Variants in IQCB1 observed in about 807,000 individuals in gnomAD.
IQCB1 encodes IQ calmodulin-binding motif-containing protein 1.
A neutral mutation model predicts 84.4 loss-of-function variants in IQCB1; 56 were observed. The observed-to-expected ratio is 0.66, with a 90% CI of 0.54 to 0.83. The LOEUF is 0.83. IQCB1 is among the 40% of genes least tolerant of loss of function. The pLI is 0.00. For missense variants in IQCB1, 629 were observed against 682.1 expected, an observed-to-expected ratio of 0.92 and a Z score of 0.87; for synonymous variants, 210 against 234.8, an observed-to-expected ratio of 0.89 and a Z score of 0.96.
chr3:121,781,742 C>A lies in IQCB1; in HGVS notation c.1410+1G>T. On this transcript the variant is annotated splice_donor_variant, in intron 13 of 14. Transcript: ENST00000310864. LOFTEE classifies it high-confidence loss of function. ...ACTGATATGGTACAGAAGCTTCATA[C>A]CAAATGTCTTCTGACATAGTCATCC... 1 of 1,612,442 alleles carries A rather than the reference C, an allele frequency of 6.2e-7. No homozygotes were observed. Among genetic ancestry groups the A allele is most frequent in the South Asian group, 1.1e-5 (1 of 91,018 alleles).
chr3:121,797,997 G>A (rs1949267868), intron 8 of IQCB1, among the ~76,000 whole-genome samples: 1 of 151,880 alleles, frequency 6.6e-6, no homozygotes, highest in Non-Finnish European at 1.5e-5. Flanking sequence ...ATTAATAATT[G>A]TAAAATATCT....
At chr3:121,833,461 A>G (rs1311743059) in intron 2 of IQCB1, among the ~76,000 whole-genome samples, 1 of 152,236 alleles carries the variant, frequency 6.6e-6, no homozygotes, top group East Asian at 1.9e-4. Context: ...AATAGGCTCA[A>G]AACAGTTTGT....
intron 9 of IQCB1, among the ~76,000 whole-genome samples, chr3:121,796,138 T>G (rs149800372): frequency 0.012 from 1,830 of 152,190 alleles, 16 homozygotes; most frequent in Middle Eastern, 0.024. Flanking sequence ...GTTTTATGAT[T>G]TTGTTACCTA....
chr3:121,776,471 G>C (rs1948233714), intron 13 of IQCB1, among the ~76,000 whole-genome samples: 1 of 152,166 alleles, frequency 6.6e-6, no homozygotes, highest in Non-Finnish European at 1.5e-5. Flanking sequence ...ATTCCCCTAA[G>C]TGGTGACTCT....
chr3:121,789,995 T>A, intron 11 of IQCB1, 78 bp downstream of exon 11: 1 of 1,251,720 alleles, frequency 8.0e-7, no homozygotes, highest in South Asian at 1.2e-5. Flanking sequence ...AAAAAAATCA[T>A]CACGTAGCTA....
At position 121,828,945 on chromosome 3, in the gene IQCB1, T is replaced by C. The variant is rs749733618; in HGVS notation, c.16A>G (p.Thr6Ala). MKPTG[T>A]DPRILSIAAE... is the part of the protein sequence containing the mutation. ...GCTATAGATAAGATCCTTGGGTCTG[T>C]ACCTGTTGGCTTCATTTCTCTTATT... The change falls in exon 3 of 15, where the codon ACA becomes GCA. Residue 6 changes from threonine (T) to alanine (A), a missense_variant. Transcript: ENST00000310864. 1.9e-6 allele frequency: 3 copies of C among 1,609,300 alleles called. No homozygotes were observed. The highest frequency in any genetic ancestry group is 4.5e-5 in the East Asian group (2 of 44,780).
At chr3:121,815,171 T>C (rs1950001092) in intron 5 of IQCB1, among the ~76,000 whole-genome samples, 1 of 152,202 alleles carries the variant, frequency 6.6e-6, no homozygotes, top group Non-Finnish European at 1.5e-5. Flanking sequence ...CATGATTATT[T>C]CAATAGATGC....
At chr3:121,796,457 C>T (rs994245920) in intron 9 of IQCB1, among the ~76,000 whole-genome samples, 4 of 152,028 alleles carry the variant, frequency 2.6e-5, no homozygotes, top group Non-Finnish European at 4.4e-5. Context: ...TATGCCTCTT[C>T]CTGTTGAATG....
intron 5 of IQCB1, among the ~76,000 whole-genome samples, chr3:121,821,789 T>A (rs750518092): frequency 3.3e-5 from 5 of 152,214 alleles, no homozygotes; most frequent in Non-Finnish European, 7.3e-5. Context: ...CACACAGACA[T>A]GATCCTGAAA....
intron 12 of IQCB1, among the ~76,000 whole-genome samples, chr3:121,786,189 A>AAAC (rs1948722722): frequency 6.9e-6 from 1 of 144,944 alleles, no homozygotes; most frequent in Non-Finnish European, 1.5e-5. Context: ...AGAAAAGAAA[A>AAAC]GAAAAGAAAA....
chr3:121,823,120 T>A (rs1442376420), intron 5 of IQCB1, among the ~76,000 whole-genome samples: 1 of 152,166 alleles, frequency 6.6e-6, no homozygotes, highest in Non-Finnish European at 1.5e-5. Context: ...GGTAGGATTA[T>A]TAGCACATTA....
intron 5 of IQCB1, among the ~76,000 whole-genome samples, chr3:121,820,457 C>T (rs908814315): frequency 1.3e-5 from 2 of 152,184 alleles, no homozygotes. Flanking sequence ...CTCTACACCA[C>T]ATCCCTAGGA....
intron 8 of IQCB1, among the ~76,000 whole-genome samples, chr3:121,798,063 A>G (rs1949270365): frequency 6.6e-6 from 1 of 151,968 alleles, no homozygotes; most frequent in African/African-American, 2.4e-5. Context: ...AGGGAGAAGG[A>G]TTCAGGTAAA....
At chr3:121,809,105 GT>G in intron 5 of IQCB1, 96 bp from the exon 6 acceptor site, 1 of 707,922 alleles carries the variant, frequency 1.4e-6, no homozygotes, top group Non-Finnish European at 2.4e-6. Context: ...AGAGGATACA[GT>G]TTCTGGATCT....
chr3:121,784,391 T>TGG (rs1477542486), intron 12 of IQCB1, among the ~76,000 whole-genome samples: 1 of 152,052 alleles, frequency 6.6e-6, no homozygotes, highest in Non-Finnish European at 1.5e-5. Context: ...TCCCCCACAG[T>TGG]CCTTTTATTA....
intron 10 of IQCB1, among the ~76,000 whole-genome samples, chr3:121,793,103 A>G (rs1343059209): frequency 6.6e-6 from 1 of 152,220 alleles, no homozygotes; most frequent in Non-Finnish European, 1.5e-5. Flanking sequence ...AAAAGATGCT[A>G]TCTGCATTTA....
chr3:121,827,449 A>G (rs1950500155), intron 4 of IQCB1, among the ~76,000 whole-genome samples: 1 of 152,080 alleles, frequency 6.6e-6, no homozygotes, highest in Non-Finnish European at 1.5e-5. Context: ...AAGATTAACA[A>G]ATGAAATTAT....
chr3:121,786,815 C>T (rs1035542717), intron 12 of IQCB1, among the ~76,000 whole-genome samples: 2 of 152,286 alleles, frequency 1.3e-5, no homozygotes, highest in Middle Eastern at 3.4e-3. Flanking sequence ...TTTCACTTTA[C>T]AGTACAGGAT....
intron 5 of IQCB1, among the ~76,000 whole-genome samples, chr3:121,825,077 T>TC (rs1950417235): frequency 1.3e-5 from 2 of 151,366 alleles, no homozygotes; most frequent in African/African-American, 2.4e-5. Context: ...TTTTTTTTTT[T>TC]CAGATGGAGT....
Sources: allele counts gnomAD v4.1 joint callset (sites outside exome capture counted in the v4.1 genomes callset), GRCh38; gene constraint gnomAD v4.1.1; transcripts MANE v1.5; gene names NCBI Gene and HGNC (gene_info 2026-07-23, HGNC 2026-07-21).